Variants in ITSN1 observed in about 807,000 individuals in gnomAD.
ITSN1 encodes intersectin-1.
A neutral mutation model predicts 239.8 loss-of-function variants in ITSN1; 58 were observed. The ratio of observed to expected loss-of-function variants is 0.24; its 90% CI spans 0.20 to 0.30. The LOEUF is 0.30. Ranked by LOEUF, ITSN1 falls within the 10% of genes least tolerant of loss-of-function variation. The probability of loss-of-function intolerance (pLI) is 1.00; values close to 1 mark genes in which losing one functional copy is unlikely to be tolerated. For synonymous variants in ITSN1, 780 were observed against 770.8 expected (o/e 1.01, Z -0.20); for missense variants, 1,558 against 2,103.3 (o/e 0.74, Z 5.07).
intron 1 of ITSN1, among the ~76,000 whole-genome samples, chr21:33,682,717 G>A (rs1044660763): frequency 6.6e-6 from 1 of 151,432 alleles, no homozygotes; most frequent in Admixed American, 6.6e-5. Context: ...TAGTAGAGAC[G>A]GGGTTTCATC....
intron 7 of ITSN1, among the ~76,000 whole-genome samples, chr21:33,754,917 A>G (rs767572119): frequency 1.3e-5 from 2 of 152,228 alleles, no homozygotes; most frequent in Non-Finnish European, 2.9e-5. Flanking sequence ...TGCTTTTAGC[A>G]TTGCTTTTTA....
At chr21:33,762,031 GT>G in intron 9 of ITSN1, 45 bp downstream of exon 9, 1 of 1,401,768 alleles carries the variant, frequency 7.1e-7, no homozygotes, top group Non-Finnish European at 1.0e-6. Context: ...TGGAAACTTG[GT>G]TAGATTGGTG....
intron 1 of ITSN1, among the ~76,000 whole-genome samples, chr21:33,679,941 G>A (rs968292724): frequency 2.0e-5 from 3 of 152,014 alleles, no homozygotes; most frequent in Admixed American, 6.6e-5. Flanking sequence ...CTCGTGATCC[G>A]CCTGTCTGGT....
At chr21:33,718,478 G>A (rs997473622) in intron 1 of ITSN1, among the ~76,000 whole-genome samples, 2 of 152,180 alleles carry the variant, frequency 1.3e-5, no homozygotes, top group Non-Finnish European at 1.5e-5. Context: ...AATATTGTAA[G>A]TAATCTAGAG....
At chr21:33,698,528 A>G (rs992738568) in intron 1 of ITSN1, among the ~76,000 whole-genome samples, 1 of 152,212 alleles carries the variant, frequency 6.6e-6, no homozygotes, top group African/African-American at 2.4e-5. Flanking sequence ...AATATTACTT[A>G]TGAACAAGCT....
chr21:33,865,205 T>G lies in ITSN1; in HGVS notation c.3945T>G (p.Ile1315Met). The G allele has an allele frequency of 6.2e-7, 1 of 1,613,996 alleles. No homozygotes were observed. The highest frequency in any genetic ancestry group is 1.1e-5 in the South Asian group (1 of 91,040). ...GGGAGAAGATGCCTGTGAAGATGAT[T>G]GGAGACATCCTGAGCGCACAGCTGC... ...MSGEKMPVKMIGDILSAQLPH... is the reference protein window; with the variant it reads ...MSGEKMPVKMMGDILSAQLPH... Residue 1315 changes from isoleucine to methionine, a missense_variant, in exon 32 of 40, where the codon ATT becomes ATG. By Grantham distance (10) the Ile-to-Met change is conservative. Around this residue, in one of 2 missense-constraint regions of ITSN1, gnomAD observed 576 missense variants for 893.3 expected, o/e 0.64. Coordinates refer to ENST00000381318, the MANE Select transcript of ITSN1 (RefSeq NM_003024.3). The surrounding 1 kb of genome is among the most constrained non-coding windows in gnomAD (Gnocchi z 4.4).
chr21:33,824,451 T>TC (rs1406933536), intron 25 of ITSN1, among the ~76,000 whole-genome samples: 1 of 152,166 alleles, frequency 6.6e-6, no homozygotes, highest in African/African-American at 2.4e-5. Context: ...CCTTTTTTTT[T>TC]TAAGTGTTGA....
chr21:33,756,050 T>C (rs2067887033), intron 8 of ITSN1, among the ~76,000 whole-genome samples: 1 of 152,002 alleles, frequency 6.6e-6, no homozygotes, highest in South Asian at 2.1e-4. Context: ...ACGCCTGTAA[T>C]CCCAATCCCA....
Position 33,874,709 on chromosome 21 carries a change from C to T in ITSN1, c.4174-645C>T, listed in dbSNP as rs150938444. ...CCGTTGCTGGGCTGGAGTGCAGTGG[C>T]GCAATCTTGGCTCACTACAACCTCT... On this transcript the variant is annotated intron_variant, in intron 33 of 39. Coordinates refer to ENST00000381318, the MANE Select transcript of ITSN1 (RefSeq NM_003024.3). 9.6e-3 allele frequency among the ~76,000 whole-genome samples: 1,368 copies of T among 142,722 alleles called. 9 individuals are homozygous for T. The highest frequency in any genetic ancestry group is 0.015 in the Non-Finnish European group (1,005 of 66,976). 93.6% of individuals were successfully genotyped at this position (142,722 alleles called of 152,430 possible).
At chr21:33,699,121 A>G (rs1260696865) in intron 1 of ITSN1, among the ~76,000 whole-genome samples, 1 of 152,040 alleles carries the variant, frequency 6.6e-6, no homozygotes, top group Non-Finnish European at 1.5e-5. Flanking sequence ...GGATGTTTTT[A>G]TATCCTTTGA....
chr21:33,802,436 G>C lies in ITSN1; in HGVS notation c.2311G>C (p.Gly771Arg), dbSNP rs1402702053. ...CTTTGCTTTCCTGGTGGAGGTTAAA[G>C]GGGAATGGGTAAGTGTTGCCTAACT... The part of the protein sequence containing the change: ...IQPGDIVMVK[G>R]EWVDESQTGE... Residue 771 changes from glycine to arginine, a missense_variant, in exon 20 of 40, where the codon GGG becomes CGG. Gly to Arg is a moderately radical substitution (Grantham distance 125). Around this residue, in one of 2 missense-constraint regions of ITSN1, gnomAD observed 982 missense variants for 1,209.9 expected, o/e 0.81. Coordinates refer to ENST00000381318, the MANE Select transcript of ITSN1 (RefSeq NM_003024.3). The C allele has an allele frequency of 6.2e-7, 1 of 1,613,738 alleles. No homozygotes were observed. The highest frequency in any genetic ancestry group is 8.5e-7 in the Non-Finnish European group (1 of 1,179,770).
At position 33,865,058 on chromosome 21, in the gene ITSN1, TCACA is replaced by T; in HGVS notation, c.3891-88_3891-85del. 5 of 1,270,886 alleles carry T rather than the reference TCACA, an allele frequency of 3.9e-6. No homozygotes were observed. In the South Asian group the frequency reaches 6.2e-5, roughly 16 times the overall value. 78.7% of individuals were successfully genotyped at this position (1,270,886 alleles called of 1,614,324 possible). A position where few individuals can be genotyped will look rare whatever the true frequency, so the allele number is the denominator to read the frequency against. On this transcript the variant is annotated intron_variant, in intron 31 of 39. Transcript: ENST00000381318. This position sits in a 1 kb window ranked among gnomAD's most constrained non-coding sequence, Gnocchi z 4.4. ...TTAGTGGCCCTTAAGGCTGTGCCCC[TCACA>T]CACATTCTGTTTCTGTGCAACCTAA...
At chr21:33,883,774 T>C in intron 36 of ITSN1, 103 bp downstream of exon 36, 2 of 1,388,094 alleles carry the variant, frequency 1.4e-6, no homozygotes, top group Admixed American at 1.9e-5. Flanking sequence ...CAAGTGGCAA[T>C]GCCATCACCC....
At chr21:33,718,977 C>A in intron 2 of ITSN1, 121 bp downstream of exon 2, 1 of 766,990 alleles carries the variant, frequency 1.3e-6, no homozygotes, top group Non-Finnish European at 2.2e-6. Context: ...TCATGTATTC[C>A]ATCATATAGT....
intron 20 of ITSN1, among the ~76,000 whole-genome samples, chr21:33,808,951 C>A (rs2072685129): frequency 6.6e-6 from 1 of 152,178 alleles, no homozygotes; most frequent in African/African-American, 2.4e-5. Flanking sequence ...CTGGCAGGAC[C>A]TGGCTTGGAT....
intron 29 of ITSN1, chr21:33,837,115 C>T: frequency 6.6e-7 from 1 of 1,523,856 alleles, no homozygotes; most frequent in South Asian, 1.3e-5. Context: ...TGATCACCTA[C>T]TGCCTTCTGA....
In ITSN1 at chr21:33,752,917, A is replaced by G. The variant is rs143786856; in HGVS notation, c.623+1011A>G. Among the ~76,000 whole-genome samples the G allele has an allele frequency of 2.3e-3, 355 of 152,338 alleles. 2 individuals are homozygous for G. Among genetic ancestry groups the G allele is most frequent in the Middle Eastern group, 0.017 (5 of 294 alleles). On this transcript the variant is annotated intron_variant, in intron 7 of 39. Coordinates refer to ENST00000381318, the MANE Select transcript of ITSN1 (RefSeq NM_003024.3). ...GAATCAAGTCATTTTCCCACTTTCA[A>G]GAGAAAAGCATGTTGAATATAATTC...
chr21:33,799,011 TAC>T (rs1383765109), intron 18 of ITSN1, among the ~76,000 whole-genome samples: 1 of 152,216 alleles, frequency 6.6e-6, no homozygotes, highest in African/African-American at 2.4e-5. Context: ...TTGCATGTCA[TAC>T]AGTTCAAAAT....
chr21:33,673,162 A>G (rs1474672876), intron 1 of ITSN1, among the ~76,000 whole-genome samples: 2 of 152,250 alleles, frequency 1.3e-5, no homozygotes, highest in Non-Finnish European at 2.9e-5. Flanking sequence ...CTAGAAAAAG[A>G]AAAGAAAAAT....
Sources: allele counts gnomAD v4.1 joint callset (sites outside exome capture counted in the v4.1 genomes callset), GRCh38; gene constraint gnomAD v4.1.1; regional missense constraint gnomAD v4.1.1; non-coding constraint Gnocchi (gnomAD v3.1); transcripts MANE v1.5; gene names NCBI Gene and HGNC (gene_info 2026-07-23, HGNC 2026-07-21).